IRAG1: variants seen among roughly 807,000 people sequenced by gnomAD.
IRAG1 encodes the protein IP3R-associated cGMP kinase substrate.
In IRAG1, 62 loss-of-function variants were observed where a neutral mutation model predicts 106.2. The observed-to-expected ratio is 0.58, with a 90% CI of 0.48 to 0.72. The LOEUF is 0.72. Ranked by LOEUF, IRAG1 falls within the 30% of genes least tolerant of loss-of-function variation. IRAG1 has a pLI of 0.00. For missense variants in IRAG1, 1,064 were observed against 1,140.7 expected, an observed-to-expected ratio of 0.93 and a Z score of 0.97; for synonymous variants, 462 against 443.9, an observed-to-expected ratio of 1.04 and a Z score of -0.51.
chr11:10,692,927 G>C (rs1245312082), intron 1 of IRAG1, among the ~76,000 whole-genome samples: 1 of 152,242 alleles, frequency 6.6e-6, no homozygotes, highest in Non-Finnish European at 1.5e-5. Context: ...CCGGGCACGG[G>C]CCGGGCACAT....
intron 1 of IRAG1, chr11:10,687,881 G>C (rs1219635584): frequency 1.9e-6 from 2 of 1,058,766 alleles, no homozygotes; most frequent in Non-Finnish European, 2.5e-6. Context: ...TTTTTTGGGG[G>C]GGGGTGGTAT....
rs1004642020 is a variant in IRAG1 at position 10,647,009 on chromosome 11, C to T, written c.225+5016G>A. On this transcript the variant is annotated intron_variant, in intron 2 of 20. Transcript: ENST00000423302. The surrounding 1 kb of genome is among the most constrained non-coding windows in gnomAD (Gnocchi z 4.3). ...GGCATGTGACATGCAGCTTTGGTTG[C>T]TGGCCCCACGAGCTTGTGCTCCTGA... Among the ~76,000 whole-genome samples the T allele has an allele frequency of 5.9e-5, 9 of 152,172 alleles. No homozygotes were observed. Among genetic ancestry groups the T allele is most frequent in the African/African-American group, 2.2e-4 (9 of 41,472 alleles).
intron 14 of IRAG1, 134 bp from the exon 15 acceptor site, chr11:10,601,193 T>C (rs777625179): frequency 2.4e-6 from 3 of 1,259,988 alleles, no homozygotes; most frequent in Non-Finnish European, 3.3e-6. Context: ...TCTGAAGAGT[T>C]TGCTGTCTGC....
intron 1 of IRAG1, among the ~76,000 whole-genome samples, chr11:10,677,312 C>T (rs1860762236): frequency 6.6e-6 from 1 of 152,222 alleles, no homozygotes; most frequent in South Asian, 2.1e-4. Context: ...GTCTCCTTCT[C>T]CTGAATCAAT....
chr11:10,586,443 G>A (rs908148698), intron 18 of IRAG1, among the ~76,000 whole-genome samples: 1 of 149,222 alleles, frequency 6.7e-6, no homozygotes, highest in South Asian at 2.1e-4. Context: ...CTTGAGACAG[G>A]GTCCCGCTCT....
In IRAG1 at chr11:10,633,314, A is replaced by G. The variant is rs193255733; in HGVS notation, c.329+654T>C. ...ATGGTCTCGATCTCCTGACCTCATG[A>G]TTCACCCGCCTTGGCCTCCCAAAGT... On this transcript the variant is annotated intron_variant, in intron 3 of 20. Transcript: ENST00000423302. Among the ~76,000 whole-genome samples the G allele has an allele frequency of 7.8e-3, 1,179 of 152,068 alleles. 15 individuals carry two copies. Among genetic ancestry groups the G allele is most frequent in the African/African-American group, 0.028 (1,142 of 41,498 alleles).
chr11:10,586,869 C>T (rs1310232713), intron 18 of IRAG1, among the ~76,000 whole-genome samples: 2 of 152,140 alleles, frequency 1.3e-5, no homozygotes, highest in Non-Finnish European at 2.9e-5. Flanking sequence ...CAGTAGGTGC[C>T]TTTAAGTGCC....
At chr11:10,661,399 C>G (rs1859391009) in intron 1 of IRAG1, among the ~76,000 whole-genome samples, 1 of 152,220 alleles carries the variant, frequency 6.6e-6, no homozygotes, top group South Asian at 2.1e-4. Context: ...CCTACTGCGT[C>G]TGTACCAAAT....
intron 15 of IRAG1, among the ~76,000 whole-genome samples, chr11:10,600,608 G>T (rs1853885794): frequency 6.6e-6 from 1 of 152,218 alleles, no homozygotes. Context: ...CAGGGTCTAG[G>T]GTCACTCTCA....
chr11:10,639,822 G>A (rs1857392907), intron 2 of IRAG1, among the ~76,000 whole-genome samples: 1 of 152,146 alleles, frequency 6.6e-6, no homozygotes. Flanking sequence ...AGACCTTCTT[G>A]GAGAAGAGAG....
chr11:10,649,481 G>C (rs555943868), intron 2 of IRAG1, among the ~76,000 whole-genome samples: 21 of 152,256 alleles, frequency 1.4e-4, no homozygotes, highest in African/African-American at 5.1e-4. Flanking sequence ...TAACAGACTT[G>C]GTCTCAAAGT....
At position 10,628,876 on chromosome 11, in the gene IRAG1, T is replaced by C. The variant is rs761382698; in HGVS notation, c.575-48A>G. ...GCTGGCATTCATGAAGGTTTAGGAC[T>C]TCAACCTGGCAAAGGCATCCTTTTA... is the stretch of plus-strand genomic sequence containing the variant. On this transcript the variant is annotated intron_variant, in intron 5 of 20. Transcript: ENST00000423302. This position sits in a 1 kb window ranked among gnomAD's most constrained non-coding sequence, Gnocchi z 4.1. 1 of 1,521,406 alleles carries C rather than the reference T, an allele frequency of 6.6e-7. No homozygotes were observed. Among genetic ancestry groups the C allele is most frequent in the East Asian group, 2.5e-5 (1 of 39,440 alleles). The allele number at this position is 1,521,406 out of a possible 1,614,324, so 94.2% of individuals were successfully genotyped here. A position where few individuals can be genotyped will look rare whatever the true frequency, so the allele number is the denominator to read the frequency against.
At chr11:10,641,621 C>G (rs541136731) in intron 2 of IRAG1, among the ~76,000 whole-genome samples, 1 of 152,128 alleles carries the variant, frequency 6.6e-6, no homozygotes, top group Non-Finnish European at 1.5e-5. Flanking sequence ...TGTCCCAGAC[C>G]CCCCTCGTGT....
At chr11:10,687,092 T>A (rs553316406) in intron 1 of IRAG1, among the ~76,000 whole-genome samples, 2 of 152,110 alleles carry the variant, frequency 1.3e-5, no homozygotes, top group Admixed American at 6.5e-5. Flanking sequence ...GGAGAAAAGA[T>A]GAGGATTGAT....
At position 10,693,318 on chromosome 11, in the gene IRAG1, C is replaced by G. The variant is rs1862209060; in HGVS notation, c.67+218G>C. ...CAACGGCAAGCAAAAGGAGCACAATCTAGTTAAGTTAGGACTGGCAAGATT... is the reference window on the plus strand; with the variant it reads ...CAACGGCAAGCAAAAGGAGCACAATGTAGTTAAGTTAGGACTGGCAAGATT... On this transcript the variant is annotated intron_variant, in intron 1 of 20. Coordinates refer to ENST00000423302, the MANE Select transcript of IRAG1 (RefSeq NM_130385.4). 5 of 902,008 alleles carry G rather than the reference C, an allele frequency of 5.5e-6. No homozygotes were observed. The South Asian group carries it at 8.2e-5, about 15-fold the overall frequency. The allele number at this position is 902,008 out of a possible 1,614,324, so 55.9% of individuals were successfully genotyped here.
chr11:10,620,174 T>C (rs1297080273), intron 10 of IRAG1, among the ~76,000 whole-genome samples: 1 of 152,168 alleles, frequency 6.6e-6, no homozygotes, highest in African/African-American at 2.4e-5. Context: ...ACAGTGTTTT[T>C]AATAGAGAAA....
intron 2 of IRAG1, among the ~76,000 whole-genome samples, chr11:10,638,953 ACT>A (rs1315179164): frequency 1.3e-5 from 2 of 152,104 alleles, no homozygotes. Flanking sequence ...ATGGAGGCTC[ACT>A]CTGTCTCCCA....
chr11:10,687,691 G>A, intron 1 of IRAG1: 1 of 1,288,188 alleles, frequency 7.8e-7, no homozygotes, highest in South Asian at 1.2e-5. Context: ...CACTCTCCTT[G>A]CGGTGTTTTT....
intron 2 of IRAG1, among the ~76,000 whole-genome samples, chr11:10,636,212 A>G (rs1466789083): frequency 6.6e-6 from 1 of 152,176 alleles, no homozygotes; most frequent in Admixed American, 6.5e-5. Flanking sequence ...TATTTAATTT[A>G]TTTAGTTTCT....
Sources: gnomAD v4.1 joint callset for allele counts (sites outside exome capture counted in the v4.1 genomes callset) on GRCh38, gnomAD v4.1.1 for gene constraint, Gnocchi (gnomAD v3.1) non-coding constraint, MANE v1.5 for transcripts, NCBI Gene and HGNC (gene_info 2026-07-23, HGNC 2026-07-21) for gene names.